Variants in AP3M1 observed in about 807,000 individuals in gnomAD.
The protein encoded by AP3M1 is adaptor related protein complex 3 subunit mu 1.
AP3M1 carries 29 observed loss-of-function variants against 42.6 expected under a neutral mutation model. The ratio of observed to expected loss-of-function variants is 0.68; its 90% confidence interval spans 0.51 to 0.93. The LOEUF is 0.93. AP3M1 is among the 40% of genes least tolerant of loss of function. AP3M1 has a pLI of 0.00. For synonymous variants in AP3M1, 178 were observed against 175.3 expected (o/e 1.02, Z -0.12); for missense variants, 416 against 510.2 (o/e 0.82, Z 1.78).
intron 5 of AP3M1, 99 bp downstream of exon 5, chr10:74,129,808 A>T: frequency 1.2e-6 from 1 of 837,348 alleles, no homozygotes; most frequent in Non-Finnish European, 2.0e-6. Context: ...AATCCTTTGC[A>T]ATCTAAGATG....
chr10:74,128,428 A>G (rs1481864318), intron 6 of AP3M1, among the ~76,000 whole-genome samples: 7 of 151,888 alleles, frequency 4.6e-5, no homozygotes. Flanking sequence ...TAGTAGAGAC[A>G]GGGTTTCACC....
rs1265471696 is a variant in AP3M1 at position 74,129,923 on chromosome 10, AG to A, written c.652del (p.Leu218SerfsTer6). 6.2e-7 allele frequency: 1 copy of A among 1,612,824 alleles called. No individual in the cohort carries two copies. Among genetic ancestry groups the A allele is most frequent in the Non-Finnish European group, 8.5e-7 (1 of 1,179,050 alleles). ...ACIKLSGMPD[L>X]SLSFMNPRLL... Reference sequence around the variant, plus strand: ...AAAACTTACCATGAAAGAAAGGGAGAGATCAGGCATTCCAGATAGTTTAATG... The same window carrying A: ...AAAACTTACCATGAAAGAAAGGGAGAATCAGGCATTCCAGATAGTTTAATG... On this transcript the variant is annotated frameshift_variant, in exon 5 of 9. Coordinates refer to ENST00000355264, the MANE Select transcript of AP3M1 (RefSeq NM_012095.6). LOFTEE classifies it high-confidence loss of function.
chr10:74,126,292 G>A lies in AP3M1; in HGVS notation c.867C>T (p.Gly289=). The change falls in exon 7 of 9, where the codon GGC becomes GGT. Residue 289 remains glycine, a synonymous_variant. Transcript: ENST00000355264. ...TTGGTCCAATTGTTATATCAAATCT[G>A]CCGCAAGAACTGTTCTCCTTAAAGC... is the stretch of plus-strand genomic sequence containing the variant. ...SISFKENSSC[G]RFDITIGPKQ... 2 of 1,614,096 alleles carry A rather than the reference G, an allele frequency of 1.2e-6. No homozygotes were observed. The highest frequency in any genetic ancestry group is 1.7e-6 in the Non-Finnish European group (2 of 1,180,020).
chr10:74,123,699 G>T lies in AP3M1; in HGVS notation c.*111C>A. On this transcript the variant is annotated 3_prime_UTR_variant, in exon 9 of 9. Transcript: ENST00000355264. ...TAACTTTGTTAGCGGTGTGTAGCTA[G>T]ACACAAATGCTTTAACTAGAATATG... The T allele has an allele frequency of 1.2e-6, 1 of 826,654 alleles. No individual in the cohort carries two copies. The highest frequency in any genetic ancestry group is 1.5e-5 in the South Asian group (1 of 65,290). The allele number at this position is 826,654 out of a possible 1,614,324, so 51.2% of individuals were successfully genotyped here. A position where few individuals can be genotyped will look rare whatever the true frequency, so the allele number is the denominator to read the frequency against.
At chr10:74,139,540 G>C (rs1206121647) in intron 1 of AP3M1, among the ~76,000 whole-genome samples, 1 of 151,622 alleles carries the variant, frequency 6.6e-6, no homozygotes, top group Non-Finnish European at 1.5e-5. Context: ...CCAGCACTTG[G>C]GGAGGCCGAG....
In AP3M1 at chr10:74,141,061, C is replaced by G. The variant is rs73282424; in HGVS notation, c.-3-2679G>C. Among the ~76,000 whole-genome samples the G allele has an allele frequency of 5.7e-3, 869 of 152,212 alleles. 15 individuals carry two copies. The highest frequency in any genetic ancestry group is 0.02 in the African/African-American group (822 of 41,528). ...AACTTAGTGCTTCAAAGGACATTAT[C>G]AAGAAAGCAAAAATTCACAAAATGA... On this transcript the variant is annotated intron_variant, in intron 1 of 8. Transcript: ENST00000355264.
chr10:74,131,253 T>G (rs185050343), intron 4 of AP3M1, among the ~76,000 whole-genome samples: 60 of 152,096 alleles, frequency 3.9e-4, no homozygotes, highest in South Asian at 8.3e-4. Context: ...CTGCAAGCTC[T>G]GTCTCCCGGG....
At position 74,141,686 on chromosome 10, in the gene AP3M1, G is replaced by A. The variant is rs115555011; in HGVS notation, c.-3-3304C>T. Among the ~76,000 whole-genome samples, 671 of 151,234 alleles carry A rather than the reference G, an allele frequency of 4.4e-3. 9 individuals carry two copies. Among genetic ancestry groups the A allele is most frequent in the African/African-American group, 0.016 (653 of 41,160 alleles). Reference sequence around the variant, plus strand: ...CATGGGGATGATCTCCTAGAGTGCTGGTAATGTTTTATTTCTTTTTTATTT... The same window carrying A: ...CATGGGGATGATCTCCTAGAGTGCTAGTAATGTTTTATTTCTTTTTTATTT... On this transcript the variant is annotated intron_variant, in intron 1 of 8. Transcript: ENST00000355264.
At chr10:74,129,302 G>A in intron 5 of AP3M1, 61 bp from the exon 6 acceptor site, 1 of 1,548,188 alleles carries the variant, frequency 6.5e-7, no homozygotes, top group Non-Finnish European at 8.8e-7. Context: ...ACTGTACTCA[G>A]ATACCTTGAC....
chr10:74,138,487 A>C (rs1841016455), intron 1 of AP3M1, 105 bp from the exon 2 acceptor site: 10 of 1,029,378 alleles, frequency 9.7e-6, no homozygotes, highest in Non-Finnish European at 1.4e-5. Context: ...CTAAGAATGC[A>C]AGGCTGGTTC....
intron 4 of AP3M1, among the ~76,000 whole-genome samples, chr10:74,130,446 A>G (rs890159422): frequency 6.6e-6 from 1 of 151,650 alleles, no homozygotes; most frequent in Non-Finnish European, 1.5e-5. Flanking sequence ...CCACTGTAGA[A>G]TATAATTTTT....
chr10:74,128,088 C>T (rs1327510071), intron 6 of AP3M1, among the ~76,000 whole-genome samples: 2 of 114,714 alleles, frequency 1.7e-5, no homozygotes, highest in African/African-American at 7.2e-5. Flanking sequence ...CAACAAGAGC[C>T]AAACTCCGGC....
rs190125850 is a variant in AP3M1 at position 74,148,724 on chromosome 10, T to C, written c.-4+2031A>G. ...ACCACATGCCACAAAGCCTGGCTAA[T>C]GTTTAAATTTTTTGTAGAGATGGAG... On this transcript the variant is annotated intron_variant, in intron 1 of 8. Coordinates refer to ENST00000355264, the MANE Select transcript of AP3M1 (RefSeq NM_012095.6). 6.5e-4 allele frequency among the ~76,000 whole-genome samples: 99 copies of C among 152,192 alleles called. 1 individual carries two copies. The highest frequency in any genetic ancestry group is 2.3e-3 in the African/African-American group (97 of 41,534).
At chr10:74,141,234 G>A (rs1221483072) in intron 1 of AP3M1, among the ~76,000 whole-genome samples, 2 of 152,050 alleles carry the variant, frequency 1.3e-5, no homozygotes, top group Admixed American at 1.3e-4. Context: ...GATTGCTTGA[G>A]CCCAGGAGTT....
intron 3 of AP3M1, among the ~76,000 whole-genome samples, chr10:74,135,879 C>G (rs1840925671): frequency 1.3e-5 from 2 of 152,150 alleles, no homozygotes; most frequent in Non-Finnish European, 2.9e-5. Context: ...TGATCTTTTT[C>G]TTATAGGCCT....
intron 4 of AP3M1, among the ~76,000 whole-genome samples, chr10:74,133,184 C>T (rs576470158): frequency 6.6e-6 from 1 of 152,070 alleles, no homozygotes; most frequent in Non-Finnish European, 1.5e-5. Context: ...CACCTAAGTT[C>T]AGGAGTTCGA....
At chr10:74,144,827 TA>T (rs1431962422) in intron 1 of AP3M1, among the ~76,000 whole-genome samples, 1 of 151,976 alleles carries the variant, frequency 6.6e-6, no homozygotes, top group East Asian at 1.9e-4. Flanking sequence ...CATGCCCAGC[TA>T]ATTTTTTGTA....
At chr10:74,142,134 TAAG>T (rs934524275) in intron 1 of AP3M1, among the ~76,000 whole-genome samples, 3 of 152,206 alleles carry the variant, frequency 2.0e-5, no homozygotes, top group East Asian at 1.9e-4. Context: ...ATGCTTCCTA[TAAG>T]AAGTTTATTG....
At chr10:74,129,004 T>G in intron 6 of AP3M1, 104 bp downstream of exon 6, 1 of 1,380,476 alleles carries the variant, frequency 7.2e-7, no homozygotes. Flanking sequence ...ATGGTTAAAG[T>G]GAGCAGTGAT....
Sources: allele counts gnomAD v4.1 joint callset (sites outside exome capture counted in the v4.1 genomes callset), GRCh38; gene constraint gnomAD v4.1.1; transcripts MANE v1.5; gene names NCBI Gene and HGNC (gene_info 2026-07-23, HGNC 2026-07-21).